Variants in FAF1 observed in about 807,000 individuals in gnomAD.
FAF1 encodes the protein Fas associated factor 1, also known as FAS-associated factor 1.
A neutral mutation model predicts 92.5 loss-of-function variants in FAF1; 25 were observed. The ratio of observed to expected loss-of-function variants is 0.27; its 90% confidence interval spans 0.20 to 0.38. FAF1 has a LOEUF of 0.38. FAF1 is among the 10% of genes least tolerant of loss of function. The probability of loss-of-function intolerance (pLI) is 1.00; values close to 1 mark genes in which losing one functional copy is unlikely to be tolerated. For missense variants in FAF1, 636 were observed against 793.3 expected (o/e 0.80, Z 2.38); for synonymous variants, 234 against 273.2 (o/e 0.86, Z 1.42).
intron 8 of FAF1, among the ~76,000 whole-genome samples, chr1:50,607,813 T>C (rs756510045): frequency 5.9e-5 from 9 of 152,224 alleles, no homozygotes; most frequent in Non-Finnish European, 1.2e-4. Context: ...TTTATTCAGC[T>C]AGTTCCTAAG....
intron 5 of FAF1, among the ~76,000 whole-genome samples, chr1:50,739,542 C>T (rs1169587342): frequency 6.6e-6 from 1 of 152,154 alleles, no homozygotes; most frequent in African/African-American, 2.4e-5. Context: ...GATAAGAACA[C>T]AGTTGGGACT....
At position 50,446,331 on chromosome 1, in the gene FAF1, T is replaced by C. The variant is rs1233739022; in HGVS notation, c.1870-4808A>G. Among the ~76,000 whole-genome samples the C allele has an allele frequency of 2.6e-5, 4 of 152,230 alleles. No individual in the cohort carries two copies. In the East Asian group the frequency reaches 7.7e-4, roughly 29 times the overall value. On this transcript the variant is annotated intron_variant, in intron 18 of 18. Coordinates refer to ENST00000396153, the MANE Select transcript of FAF1 (RefSeq NM_007051.3). ...TAGTACCTGAGCATAAACTACAGGA[T>C]GAGTATCACTAATGTAAAAATCCCA...
chr1:50,808,902 A>C (rs574467023), intron 2 of FAF1, among the ~76,000 whole-genome samples: 5 of 152,316 alleles, frequency 3.3e-5, no homozygotes, highest in South Asian at 2.1e-4. Context: ...AGGGCATTAC[A>C]TAATGCTGAA....
intron 13 of FAF1, among the ~76,000 whole-genome samples, chr1:50,550,955 C>A (rs1649284903): frequency 6.6e-6 from 1 of 152,092 alleles, no homozygotes; most frequent in Admixed American, 6.5e-5. Context: ...AAGAGAAATA[C>A]AATAGATACA....
At chr1:50,579,236 G>A (rs961420559) in intron 12 of FAF1, among the ~76,000 whole-genome samples, 5 of 152,170 alleles carry the variant, frequency 3.3e-5, no homozygotes, top group Admixed American at 2.0e-4. Flanking sequence ...TTTTGTCTAC[G>A]ATATACTGTA....
intron 17 of FAF1, among the ~76,000 whole-genome samples, chr1:50,476,508 A>G (rs1646641166): frequency 6.6e-6 from 1 of 152,320 alleles, no homozygotes; most frequent in African/African-American, 2.4e-5. Flanking sequence ...TCCAGGTTTT[A>G]GTATTACATT....
At chr1:50,478,915 A>G (rs1646668801) in intron 17 of FAF1, among the ~76,000 whole-genome samples, 1 of 152,252 alleles carries the variant, frequency 6.6e-6, no homozygotes, top group African/African-American at 2.4e-5. Context: ...ACAAATCTTA[A>G]GTGTACAACT....
chr1:50,546,106 C>T (rs1171518688), intron 13 of FAF1, among the ~76,000 whole-genome samples: 1 of 152,170 alleles, frequency 6.6e-6, no homozygotes, highest in Non-Finnish European at 1.5e-5. Flanking sequence ...TTTGAAGTTA[C>T]AGTGAGCCAT....
At chr1:50,621,383 C>CTTTTTTTTT (rs1055594541) in intron 8 of FAF1, among the ~76,000 whole-genome samples, 1 of 110,734 alleles carries the variant, frequency 9.0e-6, no homozygotes, top group African/African-American at 3.6e-5. Context: ...CCCGATCTTT[C>CTTTTTTTTT]TTTTTTTCTT....
At chr1:50,834,985 CAAAG>C (rs1315870787) in intron 2 of FAF1, among the ~76,000 whole-genome samples, 1 of 151,994 alleles carries the variant, frequency 6.6e-6, no homozygotes, top group Admixed American at 6.5e-5. Context: ...GATAACACAG[CAAAG>C]AAAGAAAGAC....
At chr1:50,745,018 T>A (rs1400293593) in intron 4 of FAF1, among the ~76,000 whole-genome samples, 1 of 152,202 alleles carries the variant, frequency 6.6e-6, no homozygotes, top group Non-Finnish European at 1.5e-5. Context: ...CTGGGTGTGG[T>A]TGCTCATGCC....
At position 50,527,868 on chromosome 1, in the gene FAF1, C is replaced by CCTCT. The variant is rs1332650562; in HGVS notation, c.1494+7497_1494+7500dup. On this transcript the variant is annotated intron_variant, in intron 15 of 18. Coordinates refer to ENST00000396153, the MANE Select transcript of FAF1 (RefSeq NM_007051.3). ...CCCTCTCTCCCTCTCTCCCTCTCTC[C>CCTCT]CTCTCTCTCTCTCTCTCTCTCTGAG... 4.7e-3 allele frequency among the ~76,000 whole-genome samples: 269 copies of CCTCT among 57,166 alleles called. 1 individual carries two copies. Among genetic ancestry groups the CCTCT allele is most frequent in the Middle Eastern group, 0.015 (1 of 68 alleles). 37.5% of individuals were successfully genotyped at this position (57,166 alleles called of 152,430 possible).
intron 8 of FAF1, among the ~76,000 whole-genome samples, chr1:50,650,115 T>A (rs1243508841): frequency 1.4e-5 from 2 of 145,492 alleles, no homozygotes; most frequent in African/African-American, 5.1e-5. Context: ...AGAAACCCCA[T>A]GTCTACTAAA....
intron 12 of FAF1, among the ~76,000 whole-genome samples, chr1:50,574,092 C>T (rs751082747): frequency 6.6e-6 from 1 of 152,190 alleles, no homozygotes; most frequent in Non-Finnish European, 1.5e-5. Flanking sequence ...TGCCACTACA[C>T]TCCATCCTGG....
At chr1:50,913,956 A>G (rs1644903954) in intron 1 of FAF1, among the ~76,000 whole-genome samples, 2 of 152,234 alleles carry the variant, frequency 1.3e-5, no homozygotes, top group African/African-American at 4.8e-5. Flanking sequence ...GATGCTCTGA[A>G]TAATGATTAC....
rs545756889 is a variant in FAF1 at position 50,729,132 on chromosome 1, T to C, written c.551+9731A>G. Among the ~76,000 whole-genome samples the C allele has an allele frequency of 1.4e-3, 214 of 149,342 alleles. 1 individual carries two copies. Among genetic ancestry groups the C allele is most frequent in the East Asian group, 0.012 (60 of 5,054 alleles). ...GTGCAATGGCACAATCTCGGCTCAC[T>C]GCACCCTGCGCCTCCCGGGTTCAAG... On this transcript the variant is annotated intron_variant, in intron 6 of 18. Coordinates refer to ENST00000396153, the MANE Select transcript of FAF1 (RefSeq NM_007051.3).
chr1:50,506,081 A>G (rs1647054773), intron 15 of FAF1, among the ~76,000 whole-genome samples: 1 of 152,232 alleles, frequency 6.6e-6, no homozygotes, highest in Non-Finnish European at 1.5e-5. Flanking sequence ...ACAGATAAAA[A>G]TGATTTGATT....
rs766342097 is a variant in FAF1 at position 50,488,038 on chromosome 1, T to C, written c.1653+2550A>G. Among the ~76,000 whole-genome samples, 6 of 152,176 alleles carry C rather than the reference T, an allele frequency of 3.9e-5. No individual in the cohort carries two copies. In the South Asian group the frequency reaches 1.2e-3, roughly 31 times the overall value. On this transcript the variant is annotated intron_variant, in intron 17 of 18. Coordinates refer to ENST00000396153, the MANE Select transcript of FAF1 (RefSeq NM_007051.3). ...CCATTTAAAAAAGGGGCAAATAAGT[T>C]TGGATAAGATTGGACTAAATGAAAA...
At chr1:50,550,974 G>A (rs1042039648) in intron 13 of FAF1, among the ~76,000 whole-genome samples, 2 of 152,126 alleles carry the variant, frequency 1.3e-5, no homozygotes, top group Non-Finnish European at 2.9e-5. Flanking sequence ...CATATGGAAT[G>A]GACAGATGAA....
Sources: allele counts gnomAD v4.1 joint callset (sites outside exome capture counted in the v4.1 genomes callset), GRCh38; gene constraint gnomAD v4.1.1; transcripts MANE v1.5; gene names NCBI Gene and HGNC (gene_info 2026-07-23, HGNC 2026-07-21).